Variants in ZNF219 observed in about 807,000 individuals in gnomAD.
ZNF219 encodes zinc finger protein 219.
In ZNF219, 17 loss-of-function variants were observed where a neutral mutation model predicts 54.4. That is an observed-to-expected ratio of 0.31 (90% confidence interval 0.21 to 0.47). ZNF219 has a LOEUF of 0.47. Among genes scored for constraint, ZNF219 ranks in the 20% least tolerant of loss-of-function variants. The pLI, the probability that ZNF219 is intolerant of heterozygous loss-of-function variation, is 1.00. For synonymous variants in ZNF219, 518 were observed against 476.4 expected (o/e 1.09, Z -1.14); for missense variants, 1,014 against 1,062.3 (o/e 0.95, Z 0.63).
At chr14:21,103,064 G>C (rs57471121), upstream of ZNF219, 109,008 of 1,548,372 alleles carry the variant, frequency 0.07, 4,079 homozygotes, top group African/African-American at 0.12. Context: ...TTGGGCAGGA[G>C]GAAGCAGTTG....
At chr14:21,096,812 C>G (rs557135862) in intron 1 of ZNF219, among the ~76,000 whole-genome samples, 1 of 152,204 alleles carries the variant, frequency 6.6e-6, no homozygotes, top group African/African-American at 2.4e-5. Context: ...TTAGAAACAA[C>G]AAGGACAGGT....
At position 21,091,030 on chromosome 14, in the gene ZNF219, CG is replaced by C; in HGVS notation, c.1674del (p.Pro560HisfsTer188). Reference sequence around the variant, plus strand: ...GGAGGCGGTGGCTCCGGGGGTGGCCCGGGGCCGGCCCCGCTCCTCTGCTCCC... The same window carrying C: ...GGAGGCGGTGGCTCCGGGGGTGGCCCGGGCCGGCCCCGCTCCTCTGCTCCC... ...HHREQRSGAG[P>X]GPPPEPPPPS... On this transcript the variant is annotated frameshift_variant, in exon 5 of 5. Coordinates refer to ENST00000360947, the MANE Select transcript of ZNF219 (RefSeq NM_016423.3). LOFTEE classifies it high-confidence loss of function. 4 of 1,552,872 alleles carry C rather than the reference CG, an allele frequency of 2.6e-6. No homozygotes were observed. Among genetic ancestry groups the C allele is most frequent in the Admixed American group, 1.9e-5 (1 of 52,658 alleles).
chr14:21,099,668 T>C (rs373151811), upstream of ZNF219, among the ~76,000 whole-genome samples: 24 of 152,356 alleles, frequency 1.6e-4, 3 homozygotes, highest in Admixed American at 1.0e-3. Context: ...ATAGTGATGA[T>C]GATCATAGCC....
chr14:21,101,445 G>A, upstream of ZNF219: 1 of 1,551,452 alleles, frequency 6.4e-7, no homozygotes, highest in Non-Finnish European at 8.7e-7. Context: ...ACCTCTTGGT[G>A]CTAGCGGTGA....
intron 3 of ZNF219, 35 bp from the exon 4 acceptor site, chr14:21,091,577 C>G (rs753981018): frequency 3.2e-5 from 50 of 1,576,352 alleles, no homozygotes; most frequent in Non-Finnish European, 4.2e-5. Flanking sequence ...GTCAGGGGGG[C>G]CCACACCCTG....
Position 21,090,459 on chromosome 14 carries a change from T to G in ZNF219, c.*77A>C. On this transcript the variant is annotated 3_prime_UTR_variant, in exon 5 of 5. Transcript: ENST00000360947. The surrounding 1 kb of genome is among the most constrained non-coding windows in gnomAD (Gnocchi z 4.4). ...GGGTCCCACGCTGCCCCCTGCTGGC[T>G]TCTCTACCCAACTACCTCTAGCGCT... The G allele has an allele frequency of 6.6e-7, 1 of 1,504,266 alleles. No individual in the cohort carries two copies. The highest frequency in any genetic ancestry group is 1.3e-5 in the South Asian group (1 of 76,366). The allele number at this position is 1,504,266 out of a possible 1,614,324, so 93.2% of individuals were successfully genotyped here.
In ZNF219 at chr14:21,090,620, G is replaced by GGTCTCTC; in HGVS notation, c.2078_2084dup (p.Pro696ArgfsTer39). The GGTCTCTC allele has an allele frequency of 6.2e-7, 1 of 1,612,180 alleles. No individual in the cohort carries two copies. Among genetic ancestry groups the GGTCTCTC allele is most frequent in the East Asian group, 2.2e-5 (1 of 44,844 alleles). On this transcript the variant is annotated frameshift_variant, in exon 5 of 5. Coordinates refer to ENST00000360947, the MANE Select transcript of ZNF219 (RefSeq NM_016423.3). LOFTEE classifies it high-confidence loss of function. The surrounding 1 kb of genome is among the most constrained non-coding windows in gnomAD (Gnocchi z 4.4). Reference sequence around the variant, plus strand: ...CCCCTTCCTGCGAAGGACTGGGAGGGGTCTCTCCTGATGGTACTCGGGCAT... The same window carrying GGTCTCTC: ...CCCCTTCCTGCGAAGGACTGGGAGGGGTCTCTCGTCTCTCCTGATGGTACTCGGGCAT...
Position 21,093,240 on chromosome 14 carries a change from A to C in ZNF219, c.57T>G (p.Ala19=), listed in dbSNP as rs1889077520. 1.2e-6 allele frequency: 2 copies of C among 1,601,098 alleles called. No individual in the cohort carries two copies. Among genetic ancestry groups the C allele is most frequent in the Non-Finnish European group, 1.7e-6 (2 of 1,178,930 alleles). Residue 19 remains alanine, a synonymous_variant, in exon 3 of 5, where the codon GCT becomes GCG. Coordinates refer to ENST00000360947, the MANE Select transcript of ZNF219 (RefSeq NM_016423.3). ...PSGHLAPSPP[A]FDGELDLQRY... is the part of the protein sequence containing the mutation. ...GCTGCAGATCCAGCTCGCCGTCGAA[A>C]GCCGGCGGCGACGGCGCTAAGTGGC...
intron 1 of ZNF219, among the ~76,000 whole-genome samples, chr14:21,095,435 C>G (rs1255593786): frequency 6.6e-6 from 1 of 152,192 alleles, no homozygotes; most frequent in Non-Finnish European, 1.5e-5. Flanking sequence ...ACATTGATAA[C>G]CCTACAACCT....
chr14:21,092,777 T>G lies in ZNF219; in HGVS notation c.520A>C (p.Thr174Pro). ...RCPYCKGKFR[T>P]SAERERHLHI... ...AGGTGGCGTTCGCGCTCCGCCGAGG[T>G]GCGAAACTTGCCTTTGCAGTAGGGG... is the stretch of plus-strand genomic sequence containing the variant. Residue 174 changes from threonine (T) to proline (P), a missense_variant, in exon 3 of 5, where the codon ACC becomes CCC. Thr to Pro is a conservative substitution (Grantham distance 38, BLOSUM62 -1). This residue lies in a region of ZNF219 where 395 missense variants were observed against 415.1 expected (regional missense o/e 0.95). Transcript: ENST00000360947. 1 of 1,581,296 alleles carries G rather than the reference T, an allele frequency of 6.3e-7. No individual in the cohort carries two copies. Among genetic ancestry groups the G allele is most frequent in the Non-Finnish European group, 8.6e-7 (1 of 1,163,104 alleles).
upstream of ZNF219, chr14:21,102,997 G>A: frequency 7.0e-7 from 1 of 1,431,032 alleles, no homozygotes; most frequent in Non-Finnish European, 9.5e-7. Flanking sequence ...AAAAGAGTGG[G>A]AAAGCATTAG....
At chr14:21,093,768 C>T (rs1036939491) in intron 1 of ZNF219, 94 bp from the exon 2 acceptor site, 3 of 1,172,402 alleles carry the variant, frequency 2.6e-6, no homozygotes, top group Non-Finnish European at 3.7e-6. Context: ...TTCTGTATTC[C>T]CAAAACCAAT....
upstream of ZNF219, among the ~76,000 whole-genome samples, chr14:21,100,646 A>G (rs1889577161): frequency 6.6e-6 from 1 of 152,174 alleles, no homozygotes; most frequent in South Asian, 2.1e-4. Flanking sequence ...TTCAGTTCAG[A>G]GTAAAACCTT....
chr14:21,100,067 A>C (rs537014537), upstream of ZNF219, among the ~76,000 whole-genome samples: 7 of 152,312 alleles, frequency 4.6e-5, no homozygotes, highest in South Asian at 1.5e-3. Flanking sequence ...ATAGGTAGAA[A>C]AACATATCTA....
In ZNF219 at chr14:21,098,374, C is replaced by G; in HGVS notation, c.-146G>C. 2.1e-6 allele frequency: 1 copy of G among 486,822 alleles called. No individual in the cohort carries two copies. The highest frequency in any genetic ancestry group is 2.6e-6 in the Non-Finnish European group (1 of 379,452). 30.2% of individuals were successfully genotyped at this position (486,822 alleles called of 1,614,324 possible). A position where few individuals can be genotyped will look rare whatever the true frequency, so the allele number is the denominator to read the frequency against. On this transcript the variant is annotated 5_prime_UTR_variant, in exon 1 of 5. Coordinates refer to ENST00000360947, the MANE Select transcript of ZNF219 (RefSeq NM_016423.3). ...GCGGCGGCGGCGGCGGGCGGCGGGC[C>G]GGCGGCGCGGGCGTCAGCGTTACGT...
chr14:21,094,726 T>TGGGGGGGGGGG (rs10687101), intron 1 of ZNF219, among the ~76,000 whole-genome samples: 7 of 5,892 alleles, frequency 1.2e-3, no homozygotes, highest in Non-Finnish European at 1.7e-3. Flanking sequence ...GGATAGGGGT[T>TGGGGGGGGGGG]GGGGGGGGGG....
At chr14:21,093,739 T>A in intron 1 of ZNF219, 65 bp from the exon 2 acceptor site, 1 of 1,429,316 alleles carries the variant, frequency 7.0e-7, no homozygotes, top group Non-Finnish European at 9.7e-7. Context: ...AGTCACTCCC[T>A]ACCCCCAGAC....
At position 21,090,756 on chromosome 14, in the gene ZNF219, A is replaced by G; in HGVS notation, c.1949T>C (p.Phe650Ser). Residue 650 changes from phenylalanine to serine, a missense_variant, in exon 5 of 5, where the codon TTC becomes TCC. By Grantham distance (155) the Phe-to-Ser change is radical. This residue lies in a region of ZNF219 where 281 missense variants were observed against 271.2 expected (regional missense o/e 1.04). Coordinates refer to ENST00000360947, the MANE Select transcript of ZNF219 (RefSeq NM_016423.3). The surrounding 1 kb of genome is among the most constrained non-coding windows in gnomAD (Gnocchi z 4.4). ...GPGGALHRCL[F>S]CPFATGAPEL... ...TGGGGCTCCAGTGGCGAACGGGCAG[A>G]AGAGGCAGCGGTGGAGGGCACCCCC... 1.9e-6 allele frequency: 3 copies of G among 1,606,542 alleles called. No individual in the cohort carries two copies. Among genetic ancestry groups the G allele is most frequent in the Non-Finnish European group, 2.5e-6 (3 of 1,177,432 alleles).
intron 1 of ZNF219, 82 bp downstream of exon 1, chr14:21,098,230 C>T (rs1390448874): frequency 1.4e-5 from 2 of 147,454 alleles, no homozygotes; most frequent in East Asian, 2.0e-4. Context: ...GCGGGCCCCC[C>T]CTCCGGGAGG....
Sources: gnomAD v4.1 joint callset for allele counts (sites outside exome capture counted in the v4.1 genomes callset) on GRCh38, gnomAD v4.1.1 for gene constraint, gnomAD v4.1.1 regional missense constraint, Gnocchi (gnomAD v3.1) non-coding constraint, MANE v1.5 for transcripts, NCBI Gene and HGNC (gene_info 2026-07-23, HGNC 2026-07-21) for gene names.